Variants in PSMA1 observed in about 807,000 individuals in gnomAD.
PSMA1 encodes proteasome subunit alpha type-1.
In PSMA1, 3 loss-of-function variants were observed where a neutral mutation model predicts 38.4. The observed-to-expected ratio is 0.08, with a 90% CI of 0.04 to 0.20. The LOEUF (loss-of-function observed/expected upper bound fraction) is 0.20, where lower values mean the gene tolerates loss of function less well. PSMA1 is among the 10% of genes least tolerant of loss of function. PSMA1 has a pLI of 1.00. For synonymous variants in PSMA1, 101 were observed against 107.1 expected, an observed-to-expected ratio of 0.94 and a Z score of 0.35; for missense variants, 227 against 325.3, an observed-to-expected ratio of 0.70 and a Z score of 2.32.
intron 2 of PSMA1, among the ~76,000 whole-genome samples, chr11:14,584,028 T>C (rs1454638798): frequency 1.3e-5 from 2 of 152,178 alleles, no homozygotes; most frequent in Admixed American, 6.5e-5. Flanking sequence ...ACACAGCAAA[T>C]AAGCACGTGG....
chr11:14,624,033 C>CA (rs574858019), intron 1 of PSMA1, among the ~76,000 whole-genome samples: 211 of 152,186 alleles, frequency 1.4e-3, no homozygotes, highest in Non-Finnish European at 2.3e-3. Flanking sequence ...GAATACCACA[C>CA]AAAAAACATT....
At chr11:14,516,461 A>T (rs1367712981) in intron 4 of PSMA1, among the ~76,000 whole-genome samples, 2 of 152,236 alleles carry the variant, frequency 1.3e-5, no homozygotes, top group African/African-American at 4.8e-5. Context: ...CTAGAATTAT[A>T]GGTAGGAGCC....
At chr11:14,520,269 A>G in intron 1 of PSMA1, 28 bp downstream of exon 1, 1 of 1,613,932 alleles carries the variant, frequency 6.2e-7, no homozygotes, top group East Asian at 2.2e-5. Flanking sequence ...TCTGCCCTAA[A>G]CCTTCCAGAG....
Position 14,505,072 on chromosome 11 carries a change from C to T in PSMA1, c.*120G>A, listed in dbSNP as rs1851222799. 33 of 909,860 alleles carry T rather than the reference C, an allele frequency of 3.6e-5. No individual in the cohort carries two copies. The South Asian group carries it at 4.3e-4, about 12-fold the overall frequency. 56.4% of individuals were successfully genotyped at this position (909,860 alleles called of 1,614,324 possible). On this transcript the variant is annotated 3_prime_UTR_variant, in exon 10 of 10. Transcript: ENST00000396394. ...GAAAAAACTCACATCTGGACTGATT[C>T]CTAAAACATAGCATTCCACCACTCT...
chr11:14,621,901 T>C (rs1158372094), intron 1 of PSMA1, among the ~76,000 whole-genome samples: 1 of 152,230 alleles, frequency 6.6e-6, no homozygotes, highest in Admixed American at 6.5e-5. Context: ...ATGCTTTTTA[T>C]GTGCCAGACA....
chr11:14,505,122 T>G lies in PSMA1; in HGVS notation c.*70A>C. 1 of 1,377,394 alleles carries G rather than the reference T, an allele frequency of 7.3e-7. No homozygotes were observed. The highest frequency in any genetic ancestry group is 1.0e-6 in the Non-Finnish European group (1 of 966,096). 85.3% of individuals were successfully genotyped at this position (1,377,394 alleles called of 1,614,324 possible). On this transcript the variant is annotated 3_prime_UTR_variant, in exon 10 of 10. Transcript: ENST00000396394. ...TGCAACTTTTGGTTCAAAGTATAGATTATTGTCATCAGTATGTGGTGCCTG... is the reference window on the plus strand; with the variant it reads ...TGCAACTTTTGGTTCAAAGTATAGAGTATTGTCATCAGTATGTGGTGCCTG...
intron 2 of PSMA1, among the ~76,000 whole-genome samples, chr11:14,542,878 C>T (rs893708217): frequency 1.3e-5 from 2 of 152,130 alleles, no homozygotes; most frequent in African/African-American, 2.4e-5. Context: ...TTTCTTGAGA[C>T]GGAGTCTAGC....
chr11:14,628,988 T>G (rs1406560478), intron 1 of PSMA1, among the ~76,000 whole-genome samples: 1 of 151,540 alleles, frequency 6.6e-6, no homozygotes, highest in Non-Finnish European at 1.5e-5. Flanking sequence ...TCTGTTCATG[T>G]CCTTCGCCCA....
intron 2 of PSMA1, among the ~76,000 whole-genome samples, chr11:14,529,445 T>G (rs924180061): frequency 2.0e-5 from 3 of 152,168 alleles, no homozygotes; most frequent in Non-Finnish European, 4.4e-5. Context: ...TTGACTTCCC[T>G]TCTATGTCCC....
chr11:14,581,807 T>G (rs919514729), intron 2 of PSMA1, among the ~76,000 whole-genome samples: 3 of 152,208 alleles, frequency 2.0e-5, no homozygotes, highest in African/African-American at 7.2e-5. Context: ...ATCCCTTAGC[T>G]CTGCTTTCTT....
intron 4 of PSMA1, among the ~76,000 whole-genome samples, chr11:14,515,396 TATTG>T (rs1851407188): frequency 6.6e-6 from 1 of 152,186 alleles, no homozygotes; most frequent in Non-Finnish European, 1.5e-5. Flanking sequence ...AAAGTTTTTA[TATTG>T]ATTATGTGTT....
chr11:14,509,344 A>T (rs1411739205), intron 8 of PSMA1, among the ~76,000 whole-genome samples: 2 of 152,184 alleles, frequency 1.3e-5, no homozygotes, highest in East Asian at 3.8e-4. Flanking sequence ...TTTTGGCTGT[A>T]ATTTCAAAAG....
intron 1 of PSMA1, among the ~76,000 whole-genome samples, chr11:14,613,974 T>G (rs1852738929): frequency 6.6e-6 from 1 of 152,234 alleles, no homozygotes; most frequent in Non-Finnish European, 1.5e-5. Flanking sequence ...ATTCATCCAG[T>G]AAATATTTAT....
At chr11:14,519,972 C>A in intron 1 of PSMA1, 1 of 405,680 alleles carries the variant, frequency 2.5e-6, no homozygotes, top group Admixed American at 3.9e-5. Context: ...TCTCCTCTCC[C>A]ATACACAGCA....
chr11:14,592,354 GTCTCTC>G lies in PSMA1; in HGVS notation c.21+18606_21+18611del, dbSNP rs569894376. Among the ~76,000 whole-genome samples the G allele has an allele frequency of 3.7e-3, 500 of 135,922 alleles. 3 individuals are homozygous for G. Among genetic ancestry groups the G allele is most frequent in the African/African-American group, 0.01 (377 of 36,324 alleles). 89.2% of individuals were successfully genotyped at this position (135,922 alleles called of 152,430 possible). On this transcript the variant is annotated intron_variant, in intron 2 of 10. Coordinates refer to the PSMA1 transcript ENST00000418988. ...TCGACCCCGTCTCAACTCTGACACA[GTCTCTC>G]TCTCTCTCTCTCTCTCTATATATAT...
At chr11:14,628,849 G>A (rs1263262718) in intron 1 of PSMA1, among the ~76,000 whole-genome samples, 1 of 149,166 alleles carries the variant, frequency 6.7e-6, no homozygotes, top group Admixed American at 6.7e-5. Context: ...ACTTTTTAAT[G>A]ACTGCCATTC....
intron 8 of PSMA1, among the ~76,000 whole-genome samples, chr11:14,508,571 A>AAAAAAAAAAAAAAAAAAAAG (rs1190465759): frequency 6.7e-6 from 1 of 149,572 alleles, no homozygotes. Context: ...CAAAAAAAAA[A>AAAAAAAAAAAAAAAAAAAAG]AAAAAACCCA....
intron 1 of PSMA1, among the ~76,000 whole-genome samples, chr11:14,615,920 G>A (rs1230112760): frequency 2.0e-5 from 3 of 152,110 alleles, no homozygotes; most frequent in South Asian, 2.1e-4. Context: ...AGTAGGACAC[G>A]CAGAGGCCAG....
intron 8 of PSMA1, among the ~76,000 whole-genome samples, chr11:14,508,656 G>A (rs1266396337): frequency 1.3e-5 from 2 of 148,828 alleles, no homozygotes. Context: ...TCATGTGAGA[G>A]ATGATAGCGA....
Sources: allele counts gnomAD v4.1 joint callset (sites outside exome capture counted in the v4.1 genomes callset), GRCh38; gene constraint gnomAD v4.1.1; transcripts MANE v1.5; gene names NCBI Gene and HGNC (gene_info 2026-07-23, HGNC 2026-07-21).